EPS8: variants seen among roughly 807,000 people sequenced by gnomAD.
EPS8 encodes epidermal growth factor receptor kinase substrate 8.
EPS8 carries 42 observed loss-of-function variants against 103.8 expected under a neutral mutation model. The ratio of observed to expected loss-of-function variants is 0.40; its 90% CI spans 0.32 to 0.52. EPS8 has a LOEUF of 0.52. EPS8 is among the 20% of genes least tolerant of loss of function. EPS8 has a pLI of 0.40. For synonymous variants in EPS8, 344 were observed against 344.6 expected, an observed-to-expected ratio of 1.00 and a Z score of 0.02; for missense variants, 969 against 1,005.1, an observed-to-expected ratio of 0.96 and a Z score of 0.49.
intron 8 of EPS8, chr12:15,662,417 A>G: frequency 1.9e-6 from 2 of 1,044,882 alleles, no homozygotes; most frequent in Non-Finnish European, 2.3e-6. Flanking sequence ...TTTAATTCCT[A>G]CACAAGCCAG....
At chr12:15,640,965 A>AC in intron 16 of EPS8, 119 bp from the exon 17 acceptor site, 2 of 767,658 alleles carry the variant, frequency 2.6e-6, no homozygotes, top group Non-Finnish European at 4.3e-6. Context: ...CAGCATCAAC[A>AC]TAGTGTTGAT....
chr12:15,646,325 G>C (rs934029557), intron 15 of EPS8, among the ~76,000 whole-genome samples: 1 of 152,074 alleles, frequency 6.6e-6, no homozygotes, highest in Non-Finnish European at 1.5e-5. Flanking sequence ...AAGAAGTAAA[G>C]GGCATATAAC....
chr12:15,682,929 T>C lies in EPS8; in HGVS notation c.23A>G (p.His8Arg). Residue 8 changes from histidine (H) to arginine (R), a missense_variant, in exon 2 of 21, where the codon CAT (histidine) becomes CGT (arginine). His to Arg is a conservative substitution (Grantham distance 29). Coordinates refer to ENST00000281172, the MANE Select transcript of EPS8 (RefSeq NM_004447.6). ...TGGGTACATTCCAAAACTACTGGGA[T>C]GATTAGAAATATGACCATTCATTGT... is the stretch of plus-strand genomic sequence containing the variant. MNGHISN[H>R]PSSFGMYPSQ... The C allele has an allele frequency of 1.3e-6, 2 of 1,587,206 alleles. No individual in the cohort carries two copies. Among genetic ancestry groups the C allele is most frequent in the African/African-American group, 1.4e-5 (1 of 73,924 alleles).
At chr12:15,786,424 C>T (rs1314231552) in intron 1 of EPS8, among the ~76,000 whole-genome samples, 1 of 151,730 alleles carries the variant, frequency 6.6e-6, no homozygotes, top group Admixed American at 6.6e-5. Context: ...GGAGACATTA[C>T]GAGGAAATAC....
chr12:15,746,640 C>T (rs1290984130), intron 1 of EPS8, among the ~76,000 whole-genome samples: 1 of 152,152 alleles, frequency 6.6e-6, no homozygotes, highest in East Asian at 1.9e-4. Flanking sequence ...GAAACATTAA[C>T]TTATTAATCA....
chr12:15,640,723 G>A lies in EPS8; in HGVS notation c.1801C>T (p.Pro601Ser). The change falls in exon 17 of 21, where the codon CCT (proline) becomes TCT (serine). Residue 601 changes from proline (P) to serine (S), a missense_variant. Physicochemically the swap from Pro to Ser is moderately conservative, Grantham distance 74 (BLOSUM62 -1). Transcript: ENST00000281172. The stretch of plus-strand genomic sequence containing the variant: ...CTCACCTGTATAGTATGAGTATAAG[G>A]TGGATCAGCACGCCCCAATCCAGAT... The part of the protein sequence containing the change: ...PESGLGRADP[P>S]YTHTIQKQRM... 6.2e-7 allele frequency: 1 copy of A among 1,613,896 alleles called. No individual in the cohort carries two copies. Among genetic ancestry groups the A allele is most frequent in the South Asian group, 1.1e-5 (1 of 91,072 alleles).
At chr12:15,658,011 T>A in intron 12 of EPS8, 68 bp downstream of exon 12, 3 of 943,324 alleles carry the variant, frequency 3.2e-6, no homozygotes, top group Non-Finnish European at 5.2e-6. Context: ...GTCTAGATAA[T>A]CCAGACAGAC....
At chr12:15,630,596 T>C (rs765939429) in intron 18 of EPS8, among the ~76,000 whole-genome samples, 1 of 152,204 alleles carries the variant, frequency 6.6e-6, no homozygotes. Context: ...GTAAGTCACA[T>C]GAAATTTGAA....
intron 19 of EPS8, 75 bp downstream of exon 19, chr12:15,624,152 G>A: frequency 1.7e-6 from 2 of 1,166,226 alleles, no homozygotes; most frequent in South Asian, 2.6e-5. Flanking sequence ...AGTTATCTGT[G>A]ACATCTAACT....
intron 1 of EPS8, among the ~76,000 whole-genome samples, chr12:15,703,091 G>A (rs919696775): frequency 1.3e-5 from 2 of 152,244 alleles, no homozygotes; most frequent in Non-Finnish European, 2.9e-5. Flanking sequence ...GGAAGTTGCA[G>A]TGAGCCAAGA....
In EPS8 at chr12:15,761,341, T is replaced by C. The variant is rs1415742538; in HGVS notation, c.-22+27820A>G. Among the ~76,000 whole-genome samples, 1 of 152,114 alleles carries C rather than the reference T, an allele frequency of 6.6e-6. No individual in the cohort carries two copies. The highest frequency in any genetic ancestry group is 2.4e-5 in the African/African-American group (1 of 41,432). ...TCATGGATTGAAAGAATCAATATTG[T>C]TAAAATTTCCATACTTCCCAAAGCA... is the stretch of plus-strand genomic sequence containing the variant. On this transcript the variant is annotated intron_variant, in intron 1 of 20. Coordinates refer to ENST00000281172, the MANE Select transcript of EPS8 (RefSeq NM_004447.6). The surrounding 1 kb of genome is among the most constrained non-coding windows in gnomAD (Gnocchi z 4.5).
At chr12:15,788,035 A>C (rs1481851613) in intron 1 of EPS8, 1 of 152,192 alleles carries the variant, frequency 6.6e-6, no homozygotes, top group Non-Finnish European at 1.5e-5. Context: ...AGTCCTTTCA[A>C]TGAAAATAAA....
chr12:15,650,782 A>G, intron 14 of EPS8, 41 bp downstream of exon 14: 1 of 1,484,562 alleles, frequency 6.7e-7, no homozygotes, highest in South Asian at 1.2e-5. Context: ...TACACAGATA[A>G]TTACACTGTC....
At position 15,726,950 on chromosome 12, in the gene EPS8, G is replaced by A. The variant is rs113951201; in HGVS notation, c.-21-43978C>T. ...AGCTATTTTCATTACTGAAAGTTAT[G>A]AGTTGGAAAAGACACAGCATAACCA... On this transcript the variant is annotated intron_variant, in intron 1 of 20. Coordinates refer to ENST00000281172, the MANE Select transcript of EPS8 (RefSeq NM_004447.6). Among the ~76,000 whole-genome samples the A allele has an allele frequency of 9.2e-5, 14 of 152,260 alleles. 2 individuals carry two copies. The highest frequency in any genetic ancestry group is 3.1e-4 in the African/African-American group (13 of 41,550).
chr12:15,669,853 T>A, intron 4 of EPS8, 28 bp from the exon 5 acceptor site: 1 of 1,550,586 alleles, frequency 6.4e-7, no homozygotes, highest in Non-Finnish European at 8.7e-7. Context: ...GGAAAAAGAT[T>A]TATAACACAT....
At chr12:15,746,024 G>A (rs1946871809) in intron 1 of EPS8, among the ~76,000 whole-genome samples, 1 of 152,112 alleles carries the variant, frequency 6.6e-6, no homozygotes, top group Admixed American at 6.6e-5. Context: ...ACCTTTATAG[G>A]AGAAAAAGAA....
Position 15,669,501 on chromosome 12 carries a change from C to T in EPS8, c.402G>A (p.Gln134=), listed in dbSNP as rs1786105040. ...ATGAATGCATCACAGCTTGGCAGTG[C>T]TGGATTGTGTTTAAAGGAAAATTCT... ...ELENFPLNTI[Q]HCQAVMHSCS... The change falls in exon 6 of 21, where the codon CAG becomes CAA. Residue 134 remains glutamine (Q), a synonymous_variant. Coordinates refer to ENST00000281172, the MANE Select transcript of EPS8 (RefSeq NM_004447.6). The T allele has an allele frequency of 6.2e-7, 1 of 1,609,546 alleles. No individual in the cohort carries two copies. Among genetic ancestry groups the T allele is most frequent in the African/African-American group, 1.3e-5 (1 of 74,650 alleles).
chr12:15,629,646 A>G (rs965632258), intron 18 of EPS8, among the ~76,000 whole-genome samples: 1 of 152,190 alleles, frequency 6.6e-6, no homozygotes, highest in African/African-American at 2.4e-5. Context: ...AGAAAGAGCT[A>G]ATCACTTTTC....
chr12:15,632,867 G>A (rs1023682575), intron 17 of EPS8, among the ~76,000 whole-genome samples: 1 of 152,088 alleles, frequency 6.6e-6, no homozygotes, highest in Non-Finnish European at 1.5e-5. Context: ...TGTGGAAACC[G>A]GTGTGGGAAG....
Sources: gnomAD v4.1 joint callset for allele counts (sites outside exome capture counted in the v4.1 genomes callset) on GRCh38, gnomAD v4.1.1 for gene constraint, Gnocchi (gnomAD v3.1) non-coding constraint, MANE v1.5 for transcripts, NCBI Gene and HGNC (gene_info 2026-07-23, HGNC 2026-07-21) for gene names.